The following SMOC2 variants were observed in gnomAD, a reference collection of about 807,000 sequenced individuals.
SMOC2 encodes the protein SPARC-related modular calcium-binding protein 2.
A neutral mutation model predicts 61.4 loss-of-function variants in SMOC2; 39 were observed. The ratio of observed to expected loss-of-function variants is 0.64; its 90% CI spans 0.49 to 0.83. SMOC2 has a LOEUF of 0.83. Ranked by LOEUF, SMOC2 falls within the 40% of genes least tolerant of loss-of-function variation. SMOC2 has a pLI of 0.00. For missense variants in SMOC2, 556 were observed against 592.9 expected (o/e 0.94, Z 0.65); for synonymous variants, 247 against 239.9 (o/e 1.03, Z -0.27).
chr6:168,489,154 GA>G (rs1268510444), intron 1 of SMOC2, among the ~76,000 whole-genome samples: 1 of 149,330 alleles, frequency 6.7e-6, no homozygotes, highest in Admixed American at 6.7e-5. Flanking sequence ...GTTGTAGAAT[GA>G]AATATATCAA....
At chr6:168,659,090 T>C (rs1342310208) in intron 11 of SMOC2, among the ~76,000 whole-genome samples, 1 of 150,522 alleles carries the variant, frequency 6.6e-6, no homozygotes, top group Non-Finnish European at 1.5e-5. Flanking sequence ...TGTATGTGTA[T>C]AGCATGTGGT....
chr6:168,543,528 A>G (rs1783920074), intron 4 of SMOC2, 97 bp from the exon 5 acceptor site: 4 of 1,078,518 alleles, frequency 3.7e-6, no homozygotes, highest in Non-Finnish European at 4.2e-6. Context: ...ACGGCAAATT[A>G]GTCAAAATGG....
At chr6:168,468,040 G>T (rs1781884038) in intron 1 of SMOC2, among the ~76,000 whole-genome samples, 1 of 152,078 alleles carries the variant, frequency 6.6e-6, no homozygotes, top group African/African-American at 2.4e-5. Context: ...AAAAAATAGT[G>T]GATGCATTTC....
intron 9 of SMOC2, among the ~76,000 whole-genome samples, chr6:168,646,742 G>A (rs1283866736): frequency 6.6e-6 from 1 of 152,134 alleles, no homozygotes; most frequent in East Asian, 1.9e-4. Flanking sequence ...TGAGCTCTGG[G>A]GTTGAGAAGG....
chr6:168,598,853 G>A lies in SMOC2; in HGVS notation c.673G>A (p.Glu225Lys), dbSNP rs759704316. 1 of 1,613,836 alleles carries A rather than the reference G, an allele frequency of 6.2e-7. No homozygotes were observed. The highest frequency in any genetic ancestry group is 1.7e-4 in the Middle Eastern group (1 of 6,058). ...SCDQEHQSAL[E>K]EAKQPKNDNV... The stretch of plus-strand genomic sequence containing the variant: ...TGACCAAGAGCACCAGTCTGCCCTG[G>A]AGGAAGCCAAGCAGCCCAAGAACGA... The change falls in exon 8 of 13, where the codon GAG becomes AAG. Residue 225 changes from glutamate (E) to lysine (K), a missense_variant. Coordinates refer to ENST00000356284, the MANE Select transcript of SMOC2 (RefSeq NM_001166412.2).
At chr6:168,582,718 G>A (rs1300755067) in intron 7 of SMOC2, among the ~76,000 whole-genome samples, 1 of 152,238 alleles carries the variant, frequency 6.6e-6, no homozygotes. Flanking sequence ...CCACCTGGGA[G>A]GAGTGCGTCA....
intron 7 of SMOC2, among the ~76,000 whole-genome samples, chr6:168,578,717 C>A (rs1784860642): frequency 6.6e-6 from 1 of 152,214 alleles, no homozygotes; most frequent in Non-Finnish European, 1.5e-5. Context: ...CCTAACGTAG[C>A]AGCTTTCTAA....
At chr6:168,596,221 C>T (rs9364468) in intron 7 of SMOC2, among the ~76,000 whole-genome samples, 1,054 of 99,172 alleles carry the variant, frequency 0.011, 1 homozygote, top group African/African-American at 0.038. Context: ...ACAAGCGCCA[C>T]GTGAACACGG....
Position 168,493,840 on chromosome 6 carries a change from A to G in SMOC2, c.85-16075A>G, listed in dbSNP as rs544335908. ...CATCTGAATATTTATTTCATCAGAC[A>G]TATTAGTTTTTAACTGTCTTTATCT... On this transcript the variant is annotated intron_variant, in intron 1 of 12. Coordinates refer to ENST00000356284, the MANE Select transcript of SMOC2 (RefSeq NM_001166412.2). Among the ~76,000 whole-genome samples, 6 of 152,322 alleles carry G rather than the reference A, an allele frequency of 3.9e-5. No homozygotes were observed. In the South Asian group the frequency reaches 1.0e-3, roughly 26 times the overall value.
At chr6:168,585,761 G>C (rs1785033680) in intron 7 of SMOC2, among the ~76,000 whole-genome samples, 1 of 152,184 alleles carries the variant, frequency 6.6e-6, no homozygotes, top group African/African-American at 2.4e-5. Context: ...GGATGATGTT[G>C]GACAGTTTCT....
chr6:168,560,542 TCCTGCCCTGAGACACGAGGCTCTCACTG>T (rs1784388538), intron 7 of SMOC2, among the ~76,000 whole-genome samples: 1 of 143,444 alleles, frequency 7.0e-6, no homozygotes, highest in Non-Finnish European at 1.5e-5. Flanking sequence ...GGTGTCATTT[TCCTGCCCTGAGACACGAGGCTCTCACTG>T]CATTCTTGGA....
intron 7 of SMOC2, among the ~76,000 whole-genome samples, chr6:168,552,550 C>T (rs2115111184): frequency 6.6e-6 from 1 of 152,188 alleles, no homozygotes; most frequent in African/African-American, 2.4e-5. Context: ...GACTTTTGTT[C>T]CCGCAGACAT....
At chr6:168,479,364 G>A (rs575815353) in intron 1 of SMOC2, among the ~76,000 whole-genome samples, 6 of 152,304 alleles carry the variant, frequency 3.9e-5, no homozygotes, top group East Asian at 1.9e-4. Flanking sequence ...ATAAGGCATC[G>A]CTATTTTCCA....
intron 7 of SMOC2, among the ~76,000 whole-genome samples, chr6:168,551,549 G>A (rs1784131659): frequency 6.6e-6 from 1 of 151,980 alleles, no homozygotes; most frequent in African/African-American, 2.4e-5. Flanking sequence ...CGCCTCCCAG[G>A]TTCAAGCGAT....
chr6:168,621,719 GATCT>G (rs1786251280), intron 9 of SMOC2, among the ~76,000 whole-genome samples: 3 of 32,124 alleles, frequency 9.3e-5, no homozygotes, highest in Admixed American at 4.0e-4. Flanking sequence ...CAGATCTCAC[GATCT>G]CACGCGGACT....
intron 8 of SMOC2, among the ~76,000 whole-genome samples, chr6:168,599,581 A>ACACACACCCACACACACATACACC (rs138811685): frequency 3.2e-5 from 1 of 31,654 alleles, no homozygotes; most frequent in African/African-American, 1.8e-4. Context: ...CACTCATACC[A>ACACACACCCACACACACATACACC]CACACACCCA....
At chr6:168,618,900 C>A (rs1247567507) in intron 9 of SMOC2, among the ~76,000 whole-genome samples, 2 of 152,154 alleles carry the variant, frequency 1.3e-5, no homozygotes, top group Non-Finnish European at 2.9e-5. Flanking sequence ...ACAGACTCCA[C>A]TAAACTGGGA....
At chr6:168,633,504 A>G (rs1786625752) in intron 9 of SMOC2, among the ~76,000 whole-genome samples, 1 of 152,252 alleles carries the variant, frequency 6.6e-6, no homozygotes, top group South Asian at 2.1e-4. Flanking sequence ...AAAGATTTGA[A>G]CTATTGTAAA....
intron 1 of SMOC2, among the ~76,000 whole-genome samples, chr6:168,504,455 G>T (rs887332322): frequency 6.6e-6 from 1 of 150,710 alleles, no homozygotes; most frequent in Non-Finnish European, 1.5e-5. Flanking sequence ...TAAGGAACCC[G>T]CAACCTAGAC....
Sources: allele counts gnomAD v4.1 joint callset (sites outside exome capture counted in the v4.1 genomes callset), GRCh38; gene constraint gnomAD v4.1.1; transcripts MANE v1.5; gene names NCBI Gene and HGNC (gene_info 2026-07-23, HGNC 2026-07-21).